Variants in ATP1A2 observed in about 807,000 individuals in gnomAD.
ATP1A2 encodes sodium/potassium-transporting ATPase subunit alpha-2.
Under a neutral mutation model 113.1 loss-of-function variants are expected in ATP1A2, and 56 were observed. The observed-to-expected ratio is 0.49, with a 90% CI of 0.40 to 0.62. The LOEUF (loss-of-function observed/expected upper bound fraction) is 0.62. Among genes scored for constraint, ATP1A2 ranks in the 20% least tolerant of loss-of-function variants. The pLI is 0.00. For synonymous variants in ATP1A2, 490 were observed against 526.8 expected, an observed-to-expected ratio of 0.93 and a Z score of 0.96; for missense variants, 712 against 1,357.8, an observed-to-expected ratio of 0.52 and a Z score of 7.47.
intron 7 of ATP1A2, among the ~76,000 whole-genome samples, chr1:160,126,765 C>T (rs1651601133): frequency 6.6e-6 from 1 of 152,168 alleles, no homozygotes; most frequent in African/African-American, 2.4e-5. Flanking sequence ...GCCACCGAGC[C>T]TGGCCAAATT....
intron 6 of ATP1A2, 98 bp downstream of exon 6, chr1:160,124,528 G>A: frequency 6.5e-7 from 1 of 1,532,100 alleles, no homozygotes; most frequent in Non-Finnish European, 8.8e-7. Context: ...GAGAGACCCA[G>A]GTCCAAATGT....
In ATP1A2 at chr1:160,119,256, C is replaced by CAAAAAAAAAAA. The variant is rs386368465; in HGVS notation, c.13-1633_13-1623dup. Among the ~76,000 whole-genome samples, 206 of 49,426 alleles carry CAAAAAAAAAAA rather than the reference C, an allele frequency of 4.2e-3. 60 individuals are homozygous for CAAAAAAAAAAA. The highest frequency in any genetic ancestry group is 6.2e-3 in the East Asian group (8 of 1,282). 32.4% of individuals were successfully genotyped at this position (49,426 alleles called of 152,430 possible). On this transcript the variant is annotated intron_variant, in intron 1 of 22. Coordinates refer to ENST00000361216, the MANE Select transcript of ATP1A2 (RefSeq NM_000702.4). ...AAACCCCCAAAACTGCATTATCCTG[C>CAAAAAAAAAAA]AAAAAAAAAAAAAAAAAAAAAAAAA...
chr1:160,133,491 C>T (rs111429396), intron 13 of ATP1A2, among the ~76,000 whole-genome samples: 115 of 152,226 alleles, frequency 7.6e-4, no homozygotes, highest in African/African-American at 2.7e-3. Flanking sequence ...CAGCCACCCT[C>T]CCCATCCCAA....
chr1:160,134,185 TCTCACACA>T (rs1651855448), intron 13 of ATP1A2, among the ~76,000 whole-genome samples: 2 of 75,746 alleles, frequency 2.6e-5, no homozygotes, highest in Non-Finnish European at 2.5e-5. Context: ...ACACATTCCC[TCTCACACA>T]CACACACAAT....
intron 13 of ATP1A2, among the ~76,000 whole-genome samples, chr1:160,133,148 G>A (rs140337039): frequency 6.0e-4 from 92 of 152,288 alleles, no homozygotes; most frequent in Non-Finnish European, 1.0e-3. Flanking sequence ...CTGGGAAAGA[G>A]CATGCAGAGG....
In ATP1A2 at chr1:160,121,250, A is replaced by C. The variant is rs1367410532; in HGVS notation, c.176A>C (p.Lys59Thr). ...CGCAAATACCAAGTGGACCTGTCCA[A>C]GGTGAGTGGAGGGGCTTCTAGGGAA... ...LGRKYQVDLS[K>T]GLTNQRAQDV... Residue 59 changes from lysine to threonine, a missense_variant and splice_region_variant, in exon 3 of 23, where the codon AAG (lysine) becomes ACG (threonine). By Grantham distance (78) the Lys-to-Thr change is moderately conservative (BLOSUM62 -1). Transcript: ENST00000361216. 5.0e-6 allele frequency: 8 copies of C among 1,614,226 alleles called. No homozygotes were observed. Among genetic ancestry groups the C allele is most frequent in the Non-Finnish European group, 6.8e-6 (8 of 1,180,030 alleles).
chr1:160,130,532 A>G lies in ATP1A2; in HGVS notation c.1762A>G (p.Met588Val). Residue 588 changes from methionine (M) to valine (V), a missense_variant, in exon 13 of 23, where the codon ATG becomes GTG. By Grantham distance (21) the Met-to-Val change is conservative. This residue lies in a region of ATP1A2 where 263 missense variants were observed against 380.6 expected (regional missense o/e 0.69). Transcript: ENST00000361216. ...EKLCFVGLMS[M>V]IDPPRAAVPD... Reference sequence around the variant, plus strand: ...GCTTTGCTTTGTGGGGCTCATGTCTATGATTGACCCTCCCCGGGCTGCTGT... The same window carrying G: ...GCTTTGCTTTGTGGGGCTCATGTCTGTGATTGACCCTCCCCGGGCTGCTGT... 1 of 1,614,152 alleles carries G rather than the reference A, an allele frequency of 6.2e-7. No individual in the cohort carries two copies. Among genetic ancestry groups the G allele is most frequent in the Non-Finnish European group, 8.5e-7 (1 of 1,179,998 alleles).
chr1:160,122,943 T>C (rs1651462904), intron 3 of ATP1A2, among the ~76,000 whole-genome samples: 2 of 152,030 alleles, frequency 1.3e-5, no homozygotes, highest in Admixed American at 1.3e-4. Context: ...CCAGGGGAGA[T>C]GTTATGGCCC....
intron 1 of ATP1A2, among the ~76,000 whole-genome samples, chr1:160,119,562 T>C (rs748568219): frequency 3.9e-5 from 6 of 152,056 alleles, no homozygotes; most frequent in Non-Finnish European, 7.4e-5. Context: ...TCAGCCTCTA[T>C]CCTATTCTAT....
intron 7 of ATP1A2, 96 bp from the exon 8 acceptor site, chr1:160,127,456 C>A (rs1285054127): frequency 5.1e-5 from 80 of 1,579,146 alleles, no homozygotes; most frequent in Non-Finnish European, 6.5e-5. Context: ...TTTGGCTCAC[C>A]TATCCTGTGA....
chr1:160,128,666 G>C lies in ATP1A2; in HGVS notation c.1032G>C (p.Leu344=). The change falls in exon 9 of 23, where the codon CTG becomes CTC. Residue 344 remains leucine, a synonymous_variant. Coordinates refer to ENST00000361216, the MANE Select transcript of ATP1A2 (RefSeq NM_000702.4). ...LLATVTVCLT[L]TAKRMARKNC... ...TTCTCTACCAGGTGTGCCTGACCCT[G>C]ACAGCCAAGCGCATGGCACGGAAGA... 1.9e-6 allele frequency: 3 copies of C among 1,613,772 alleles called. No individual in the cohort carries two copies. The highest frequency in any genetic ancestry group is 2.5e-6 in the Non-Finnish European group (3 of 1,179,652).
intron 20 of ATP1A2, chr1:160,137,338 G>A (rs1283897860): frequency 7.0e-6 from 3 of 430,790 alleles, no homozygotes; most frequent in African/African-American, 6.1e-5. Context: ...TAAATCCAGT[G>A]TCTTCTGTGC....
At chr1:160,134,658 C>T (rs1651878435) in intron 14 of ATP1A2, 38 bp downstream of exon 14, 1 of 1,614,002 alleles carries the variant, frequency 6.2e-7, no homozygotes, top group African/African-American at 1.3e-5. Flanking sequence ...CCCTAATCAA[C>T]ACGTCCTCTT....
Position 160,136,291 on chromosome 1 carries a change from C to A in ATP1A2, c.2484C>A (p.Ile828=), listed in dbSNP as rs368184677. 2.5e-6 allele frequency: 4 copies of A among 1,614,202 alleles called. No individual in the cohort carries two copies. Among genetic ancestry groups the A allele is most frequent in the Non-Finnish European group, 3.4e-6 (4 of 1,180,024 alleles). ...CCTATGAGGCAGCTGAGAGTGATAT[C>A]ATGAAGCGGCAGCCACGAAACTCCC... is the stretch of plus-strand genomic sequence containing the variant. ...SLAYEAAESD[I]MKRQPRNSQT... Residue 828 remains isoleucine (I), a synonymous_variant, in exon 18 of 23, where the codon ATC becomes ATA. Coordinates refer to ENST00000361216, the MANE Select transcript of ATP1A2 (RefSeq NM_000702.4).
chr1:160,127,111 A>G (rs1651611057), intron 7 of ATP1A2, among the ~76,000 whole-genome samples: 1 of 152,182 alleles, frequency 6.6e-6, no homozygotes, highest in Non-Finnish European at 1.5e-5. Flanking sequence ...AGGGTTAGCA[A>G]TTGCCTGGCT....
At position 160,130,513 on chromosome 1, in the gene ATP1A2, C is replaced by T; in HGVS notation, c.1743C>T (p.Cys581=). The T allele has an allele frequency of 1.9e-6, 3 of 1,614,230 alleles. No individual in the cohort carries two copies. Among genetic ancestry groups the T allele is most frequent in the Non-Finnish European group, 2.5e-6 (3 of 1,180,042 alleles). The change falls in exon 13 of 23, where the codon TGC becomes TGT. Residue 581 remains cysteine, a synonymous_variant. Coordinates refer to ENST00000361216, the MANE Select transcript of ATP1A2 (RefSeq NM_000702.4). The part of the protein sequence containing the change: ...DELNFPTEKL[C]FVGLMSMIDP... The stretch of plus-strand genomic sequence containing the variant: ...TGAACTTTCCCACGGAGAAGCTTTG[C>T]TTTGTGGGGCTCATGTCTATGATTG...
In ATP1A2 at chr1:160,135,911, C is replaced by A; in HGVS notation, c.2357C>A (p.Pro786His). The A allele has an allele frequency of 6.2e-7, 1 of 1,614,158 alleles. No individual in the cohort carries two copies. The highest frequency in any genetic ancestry group is 8.5e-7 in the Non-Finnish European group (1 of 1,180,020). Residue 786 changes from proline (P) to histidine (H), a missense_variant, in exon 17 of 23, where the codon CCC (proline) becomes CAC (histidine). Pro to His is a moderately conservative substitution (Grantham distance 77). This residue lies in a region of ATP1A2 where 188 missense variants were observed against 438.9 expected (regional missense o/e 0.43). Coordinates refer to ENST00000361216, the MANE Select transcript of ATP1A2 (RefSeq NM_000702.4). The surrounding 1 kb of genome is among the most constrained non-coding windows in gnomAD (Gnocchi z 6.3). Reference sequence around the variant, plus strand: ...ACCAGCAACATCCCCGAGATCACCCCCTTCCTGCTGTTCATCATTGCCAAC... The same window carrying A: ...ACCAGCAACATCCCCGAGATCACCCACTTCCTGCTGTTCATCATTGCCAAC... ...TLTSNIPEITPFLLFIIANIP... is the reference protein window; with the variant it reads ...TLTSNIPEITHFLLFIIANIP...
At chr1:160,127,345 A>G (rs1001293291) in intron 7 of ATP1A2, among the ~76,000 whole-genome samples, 2 of 152,242 alleles carry the variant, frequency 1.3e-5, no homozygotes, top group Non-Finnish European at 2.9e-5. Context: ...GTACAAGAGA[A>G]AATAATTTGC....
intron 17 of ATP1A2, 52 bp from the exon 18 acceptor site, chr1:160,136,195 T>A (rs1651930188): frequency 6.2e-7 from 1 of 1,613,062 alleles, no homozygotes; most frequent in Admixed American, 1.7e-5. Flanking sequence ...GCTTCTGTCA[T>A]CTCCTACGTC....
Sources: allele counts gnomAD v4.1 joint callset (sites outside exome capture counted in the v4.1 genomes callset), GRCh38; gene constraint gnomAD v4.1.1; regional missense constraint gnomAD v4.1.1; non-coding constraint Gnocchi (gnomAD v3.1); transcripts MANE v1.5; gene names NCBI Gene and HGNC (gene_info 2026-07-23, HGNC 2026-07-21).